Variants in ASIC2 observed in about 807,000 individuals in gnomAD.
The protein encoded by ASIC2 is acid sensing ion channel subunit 2.
Under a neutral mutation model 57.3 loss-of-function variants are expected in ASIC2, and 25 were observed. The ratio of observed to expected loss-of-function variants is 0.44; its 90% CI spans 0.32 to 0.61. The LOEUF (loss-of-function observed/expected upper bound fraction) is 0.61. Among genes scored for constraint, ASIC2 ranks in the 20% least tolerant of loss-of-function variants. The probability of loss-of-function intolerance (pLI) is 0.06; values close to 1 mark genes in which losing one functional copy is unlikely to be tolerated. For missense variants in ASIC2, 641 were observed against 738.1 expected (o/e 0.87, Z 1.52); for synonymous variants, 319 against 307.5 (o/e 1.04, Z -0.39).
intron 1 of ASIC2, among the ~76,000 whole-genome samples, chr17:33,233,154 A>G (rs1908171516): frequency 6.6e-6 from 1 of 151,472 alleles, no homozygotes. Context: ...GAAATTCCTC[A>G]TATACCCTCA....
intron 1 of ASIC2, among the ~76,000 whole-genome samples, chr17:33,243,487 G>A (rs1597647899): frequency 6.6e-6 from 1 of 152,130 alleles, no homozygotes; most frequent in East Asian, 1.9e-4. Context: ...GAAACCTGAG[G>A]CCGGTTCCCA....
chr17:33,182,368 A>G (rs757545828), intron 1 of ASIC2, among the ~76,000 whole-genome samples: 1 of 152,168 alleles, frequency 6.6e-6, no homozygotes, highest in Non-Finnish European at 1.5e-5. Context: ...AGAACCAGTA[A>G]GATAATAAAT....
At chr17:33,652,843 T>C (rs1199902130) in intron 1 of ASIC2, among the ~76,000 whole-genome samples, 4 of 152,172 alleles carry the variant, frequency 2.6e-5, no homozygotes, top group Non-Finnish European at 4.4e-5. Flanking sequence ...GCACTGCCAG[T>C]GACTGATGAA....
At chr17:33,869,354 G>C (rs1247170473) in intron 1 of ASIC2, among the ~76,000 whole-genome samples, 1 of 152,200 alleles carries the variant, frequency 6.6e-6, no homozygotes, top group Non-Finnish European at 1.5e-5. Flanking sequence ...CAACCTGGCA[G>C]TTCCTCAAAA....
intron 1 of ASIC2, among the ~76,000 whole-genome samples, chr17:33,429,116 T>G (rs1911315891): frequency 6.6e-6 from 1 of 152,150 alleles, no homozygotes; most frequent in East Asian, 1.9e-4. Context: ...CCTGGAACTC[T>G]CTTGTGAATG....
At chr17:33,611,411 G>C (rs1905407252) in intron 1 of ASIC2, among the ~76,000 whole-genome samples, 1 of 152,192 alleles carries the variant, frequency 6.6e-6, no homozygotes, top group African/African-American at 2.4e-5. Context: ...TGTGTTCTAT[G>C]GTTCCAGTTA....
In ASIC2 at chr17:33,134,862, T is replaced by C. The variant is rs781517180; in HGVS notation, c.709-22795A>G. ...CTGGCATTCTCAGACTCTAATAAGTTCTGTACTGGGCTTTCTGTGGCTGGC... is the reference window on the plus strand; with the variant it reads ...CTGGCATTCTCAGACTCTAATAAGTCCTGTACTGGGCTTTCTGTGGCTGGC... On this transcript the variant is annotated intron_variant, in intron 1 of 9. Transcript: ENST00000225823. Among the ~76,000 whole-genome samples the C allele has an allele frequency of 1.8e-3, 267 of 152,288 alleles. 2 individuals carry two copies. The highest frequency in any genetic ancestry group is 3.5e-4 in the Non-Finnish European group (24 of 68,022).
intron 1 of ASIC2, among the ~76,000 whole-genome samples, chr17:34,155,200 G>T (rs1443020801): frequency 6.6e-6 from 1 of 151,998 alleles, no homozygotes; most frequent in Non-Finnish European, 1.5e-5. Context: ...TCAAGCCAAA[G>T]CTCCCAGACA....
At chr17:33,415,230 C>T (rs34827344) in intron 1 of ASIC2, among the ~76,000 whole-genome samples, 41,343 of 152,060 alleles carry the variant, frequency 0.27, 6,807 homozygotes, top group Non-Finnish European at 0.36. Context: ...CAGTATTGGC[C>T]CAGGACACCT....
chr17:34,154,291 C>T (rs187734723), intron 1 of ASIC2, among the ~76,000 whole-genome samples: 2 of 152,302 alleles, frequency 1.3e-5, no homozygotes, highest in East Asian at 3.9e-4. Flanking sequence ...TCTATCTCTC[C>T]TCAAGCCACC....
chr17:33,324,795 T>A (rs1293294778), intron 1 of ASIC2, among the ~76,000 whole-genome samples: 1 of 152,062 alleles, frequency 6.6e-6, no homozygotes, highest in Admixed American at 6.6e-5. Context: ...AAAAAAACCA[T>A]GGGAAAGGAG....
At chr17:33,945,186 C>T (rs139843984) in intron 1 of ASIC2, among the ~76,000 whole-genome samples, 197 of 152,274 alleles carry the variant, frequency 1.3e-3, no homozygotes, top group Non-Finnish European at 2.4e-3. Context: ...CTTAACATCC[C>T]GAACCTGTTT....
intron 1 of ASIC2, among the ~76,000 whole-genome samples, chr17:33,992,013 C>T (rs575297138): frequency 6.6e-6 from 1 of 152,252 alleles, no homozygotes; most frequent in Non-Finnish European, 1.5e-5. Context: ...TAACACTGCC[C>T]TGGGAGGCAG....
At chr17:33,834,876 A>G (rs1318546618) in intron 1 of ASIC2, among the ~76,000 whole-genome samples, 1 of 152,210 alleles carries the variant, frequency 6.6e-6, no homozygotes, top group African/African-American at 2.4e-5. Context: ...CATGTTGGCC[A>G]GGCAATGGGG....
chr17:33,174,264 A>G (rs913517076), intron 1 of ASIC2, among the ~76,000 whole-genome samples: 3 of 152,056 alleles, frequency 2.0e-5, no homozygotes, highest in African/African-American at 4.8e-5. Flanking sequence ...TCTACTAAAA[A>G]TACAAAATTA....
intron 1 of ASIC2, among the ~76,000 whole-genome samples, chr17:33,621,818 A>C (rs1675687659): frequency 6.6e-6 from 1 of 152,146 alleles, no homozygotes; most frequent in African/African-American, 2.4e-5. Context: ...TTTCTTCTAA[A>C]TCTTGTAGAT....
chr17:33,504,169 A>G (rs1181064830), intron 1 of ASIC2, among the ~76,000 whole-genome samples: 6 of 152,304 alleles, frequency 3.9e-5, no homozygotes, highest in Admixed American at 2.0e-4. Flanking sequence ...AGTTTTCAGA[A>G]TTTGTATCTA....
At chr17:33,893,225 TC>T (rs1386795504) in intron 1 of ASIC2, among the ~76,000 whole-genome samples, 48 of 152,278 alleles carry the variant, frequency 3.2e-4, no homozygotes, top group African/African-American at 1.0e-3. Flanking sequence ...GGGAGCTGTT[TC>T]CAGGATTTAA....
chr17:33,845,598 T>C (rs1488224390), intron 1 of ASIC2, among the ~76,000 whole-genome samples: 1 of 152,080 alleles, frequency 6.6e-6, no homozygotes, highest in African/African-American at 2.4e-5. Flanking sequence ...GAAATGGCGA[T>C]AATGGAGTCT....
Sources: gnomAD v4.1 joint callset for allele counts (sites outside exome capture counted in the v4.1 genomes callset) on GRCh38, gnomAD v4.1.1 for gene constraint, MANE v1.5 for transcripts, NCBI Gene and HGNC (gene_info 2026-07-23, HGNC 2026-07-21) for gene names.